The following MPZL1 variants were observed in gnomAD, a reference collection of about 807,000 sequenced individuals.
MPZL1 encodes the protein myelin protein zero-like protein 1.
In MPZL1, 16 loss-of-function variants were observed where a neutral mutation model predicts 29.3. That is an observed-to-expected ratio of 0.55 (90% confidence interval 0.37 to 0.83). The LOEUF (loss-of-function observed/expected upper bound fraction) is 0.83. Ranked by LOEUF, MPZL1 falls within the 40% of genes least tolerant of loss-of-function variation. MPZL1 has a pLI of 0.00. For synonymous variants in MPZL1, 143 were observed against 132.0 expected (o/e 1.08, Z -0.57); for missense variants, 279 against 332.9 (o/e 0.84, Z 1.26).
At position 167,730,698 on chromosome 1, in the gene MPZL1, A is replaced by C. The variant is rs149048852; in HGVS notation, c.91+8456A>C. ...AGAATGGTTCCTTGCCCCTCATTAC[A>C]CATTACATGTGGAAGAAGCCACTAA... On this transcript the variant is annotated intron_variant, in intron 1 of 5. Transcript: ENST00000359523. 2.6e-5 allele frequency among the ~76,000 whole-genome samples: 4 copies of C among 152,286 alleles called. No individual in the cohort carries two copies. In the East Asian group the frequency reaches 7.7e-4, roughly 29 times the overall value.
intron 5 of MPZL1, among the ~76,000 whole-genome samples, chr1:167,782,525 C>G (rs1356976494): frequency 2.0e-5 from 3 of 152,102 alleles, no homozygotes; most frequent in Admixed American, 6.6e-5. Context: ...CTGCCTGTGT[C>G]TTGGATACTA....
At chr1:167,729,870 AG>A (rs1221838397) in intron 1 of MPZL1, among the ~76,000 whole-genome samples, 1 of 152,248 alleles carries the variant, frequency 6.6e-6, no homozygotes, top group Non-Finnish European at 1.5e-5. Context: ...TTAATTTTAT[AG>A]ATAAGAAGAG....
At position 167,744,633 on chromosome 1, in the gene MPZL1, G is replaced by A. The variant is rs576035468; in HGVS notation, c.92-20950G>A. 2.3e-4 allele frequency among the ~76,000 whole-genome samples: 34 copies of A among 146,726 alleles called. 1 individual carries two copies. Among genetic ancestry groups the A allele is most frequent in the Admixed American group, 5.6e-4 (8 of 14,294 alleles). The stretch of plus-strand genomic sequence containing the variant: ...CGGGGGTCAGAGGTTGCAGTGAGCC[G>A]AGATCGCACCACTTCACTCCAGCCT... On this transcript the variant is annotated intron_variant, in intron 1 of 5. Transcript: ENST00000359523.
chr1:167,739,319 A>ATATT (rs1660466816), intron 1 of MPZL1, among the ~76,000 whole-genome samples: 2 of 141,406 alleles, frequency 1.4e-5, no homozygotes, highest in African/African-American at 5.5e-5. Flanking sequence ...ACACATATAT[A>ATATT]TATTTATGTT....
chr1:167,725,411 A>G (rs992623499), intron 1 of MPZL1, among the ~76,000 whole-genome samples: 5 of 152,178 alleles, frequency 3.3e-5, no homozygotes, highest in African/African-American at 1.2e-4. Context: ...CAGCATCCCA[A>G]GTAGCTGGGA....
At chr1:167,780,868 A>G (rs1390691596) in intron 5 of MPZL1, among the ~76,000 whole-genome samples, 1 of 152,178 alleles carries the variant, frequency 6.6e-6, no homozygotes, top group East Asian at 1.9e-4. Context: ...TAAAGATGCT[A>G]ATTTTTATGT....
intron 1 of MPZL1, among the ~76,000 whole-genome samples, chr1:167,725,501 T>G (rs6694807): frequency 0.052 from 7,866 of 152,108 alleles, 670 homozygotes; most frequent in African/African-American, 0.18. Flanking sequence ...ATTTATTTTT[T>G]GGGGGATGGA....
rs1661271277 is a variant in MPZL1, at chr1:167,772,374, A to G, written c.358A>G (p.Ile120Val). Residue 120 changes from isoleucine (I) to valine (V), a missense_variant, in exon 3 of 6, where the codon ATC becomes GTC. Transcript: ENST00000359523. ...AGDLDKKDAS[I>V]NIENMQFIHN... ...AGACCTTGACAAGAAAGATGCATCA[A>G]TCAACATAGAAAATATGCAGTTTAT... 6.2e-7 allele frequency: 1 copy of G among 1,613,834 alleles called. No individual in the cohort carries two copies. The highest frequency in any genetic ancestry group is 1.7e-5 in the Admixed American group (1 of 60,004).
At chr1:167,746,679 G>T (rs866526970) in intron 1 of MPZL1, among the ~76,000 whole-genome samples, 1 of 152,110 alleles carries the variant, frequency 6.6e-6, no homozygotes, top group Non-Finnish European at 1.5e-5. Context: ...TGACAAAGTT[G>T]TTGAAAAATG....
intron 1 of MPZL1, among the ~76,000 whole-genome samples, chr1:167,751,992 A>G (rs1016907306): frequency 2.6e-5 from 4 of 152,202 alleles, no homozygotes; most frequent in African/African-American, 7.2e-5. Context: ...GTCCACTGTT[A>G]CTATATCAAG....
At chr1:167,726,378 T>TC (rs1235829837) in intron 1 of MPZL1, among the ~76,000 whole-genome samples, 7 of 152,218 alleles carry the variant, frequency 4.6e-5, no homozygotes, top group Non-Finnish European at 8.8e-5. Context: ...CTCTTTTTTT[T>TC]CCTCCATCAG....
At chr1:167,785,704 A>G (rs1661577139) in intron 5 of MPZL1, among the ~76,000 whole-genome samples, 1 of 152,254 alleles carries the variant, frequency 6.6e-6, no homozygotes, top group African/African-American at 2.4e-5. Context: ...AAGAATTTAT[A>G]TAATTTAATG....
Position 167,791,916 on chromosome 1 carries a change from C to T in MPZL1, c.*3995C>T, listed in dbSNP as rs147481157. ...TGTTACTAATAAAACATTGAGGCTT[C>T]GCAGTGACTTAGTAATTTTATAAAT... is the stretch of plus-strand genomic sequence containing the variant. On this transcript the variant is annotated 3_prime_UTR_variant, in exon 6 of 6. Transcript: ENST00000359523. The T allele has an allele frequency of 1.6e-4, 25 of 152,288 alleles. No homozygotes were observed. The highest frequency in any genetic ancestry group is 1.2e-3 in the South Asian group (6 of 4,824). 9.4% of individuals were successfully genotyped at this position (152,288 alleles called of 1,614,324 possible).
chr1:167,774,555 T>G (rs1382623124), intron 4 of MPZL1: 1 of 152,286 alleles, frequency 6.6e-6, no homozygotes, highest in Non-Finnish European at 1.5e-5. Flanking sequence ...TTAAATATAG[T>G]TGGACTATTG....
chr1:167,735,587 G>A (rs556646431), intron 1 of MPZL1, among the ~76,000 whole-genome samples: 9 of 152,132 alleles, frequency 5.9e-5, no homozygotes, highest in African/African-American at 9.6e-5. Flanking sequence ...ATAGGAATTC[G>A]CTCATATGAT....
chr1:167,767,435 A>G (rs1661137686), intron 2 of MPZL1, among the ~76,000 whole-genome samples: 1 of 152,262 alleles, frequency 6.6e-6, no homozygotes, highest in African/African-American at 2.4e-5. Flanking sequence ...TATGCTGGAA[A>G]CAGTCTTGTC....
intron 1 of MPZL1, among the ~76,000 whole-genome samples, chr1:167,749,897 C>G (rs1660721454): frequency 6.6e-6 from 1 of 152,166 alleles, no homozygotes; most frequent in South Asian, 2.1e-4. Flanking sequence ...ATGGAGTAGA[C>G]AGTAAGAATG....
intron 2 of MPZL1, among the ~76,000 whole-genome samples, chr1:167,770,196 G>T (rs1661207976): frequency 6.6e-6 from 1 of 152,284 alleles, no homozygotes; most frequent in African/African-American, 2.4e-5. Flanking sequence ...CTGCACTGGG[G>T]TTTTCACCGT....
At chr1:167,745,442 C>T (rs914970339) in intron 1 of MPZL1, among the ~76,000 whole-genome samples, 3 of 152,016 alleles carry the variant, frequency 2.0e-5, no homozygotes, top group African/African-American at 7.2e-5. Context: ...CAGGGAATAT[C>T]CTGTGTGTCT....
Sources: gnomAD v4.1 joint callset for allele counts (sites outside exome capture counted in the v4.1 genomes callset) on GRCh38, gnomAD v4.1.1 for gene constraint, MANE v1.5 for transcripts, NCBI Gene and HGNC (gene_info 2026-07-23, HGNC 2026-07-21) for gene names.